Variants in ADGRV1 observed in about 807,000 individuals in gnomAD.
ADGRV1 encodes the protein adhesion G protein-coupled receptor V1, also known as G-protein coupled receptor 98.
A neutral mutation model predicts 596.2 loss-of-function variants in ADGRV1; 359 were observed. That is an observed-to-expected ratio of 0.60 (90% CI 0.55 to 0.66). The LOEUF is 0.66. Among genes scored for constraint, ADGRV1 ranks in the 30% least tolerant of loss-of-function variants. ADGRV1 has a pLI of 0.00. For synonymous variants in ADGRV1, 2,681 were observed against 2,679.2 expected, an observed-to-expected ratio of 1.00 and a Z score of -0.02; for missense variants, 7,274 against 7,575.6, an observed-to-expected ratio of 0.96 and a Z score of 1.48.
chr5:91,139,122 G>A (rs964409701), intron 87 of ADGRV1, among the ~76,000 whole-genome samples: 35 of 152,082 alleles, frequency 2.3e-4, no homozygotes, highest in African/African-American at 1.4e-4. Context: ...TATGTCTTTC[G>A]GTACCGCAAA....
chr5:90,579,596 G>C (rs2151971618), intron 1 of ADGRV1, among the ~76,000 whole-genome samples: 1 of 152,296 alleles, frequency 6.6e-6, no homozygotes, highest in South Asian at 2.1e-4. Flanking sequence ...ATTTGGGGTG[G>C]AGAGTTCTGT....
At chr5:91,143,036 G>A (rs946221643) in intron 87 of ADGRV1, among the ~76,000 whole-genome samples, 2 of 152,158 alleles carry the variant, frequency 1.3e-5, no homozygotes, top group Admixed American at 1.3e-4. Flanking sequence ...TATGGGGTCC[G>A]GCCACTGCAC....
At chr5:90,916,663 C>A (rs548415266) in intron 83 of ADGRV1, among the ~76,000 whole-genome samples, 73 of 119,124 alleles carry the variant, frequency 6.1e-4, no homozygotes, top group Non-Finnish European at 1.0e-3. Flanking sequence ...GACGGAGTCT[C>A]GCTCTGTCGC....
chr5:91,121,521 G>A (rs1354959007), intron 87 of ADGRV1, among the ~76,000 whole-genome samples: 1 of 152,174 alleles, frequency 6.6e-6, no homozygotes, highest in Non-Finnish European at 1.5e-5. Flanking sequence ...GCTGATGGGT[G>A]TGTTTCTTCT....
chr5:90,913,271 C>T (rs1773059139), intron 83 of ADGRV1, among the ~76,000 whole-genome samples: 1 of 152,106 alleles, frequency 6.6e-6, no homozygotes, highest in South Asian at 2.1e-4. Flanking sequence ...TCACCTCTTC[C>T]CATAGCAGCA....
Position 90,658,032 on chromosome 5 carries a change from C to T in ADGRV1, c.4506C>T (p.Pro1502=), listed in dbSNP as rs17543819. 0.073 allele frequency: 116,980 copies of T among 1,613,504 alleles called. 4,803 individuals carry two copies. The highest frequency in any genetic ancestry group is 0.11 in the South Asian group (9,971 of 90,992). ...LEEIYELHAM[P]AKSDLHPISG... The stretch of plus-strand genomic sequence containing the variant: ...AAATTTATGAACTTCATGCCATGCC[C>T]GCAAAAAGTGATTTACACCCAATTT... Residue 1502 remains proline, a synonymous_variant, in exon 21 of 90, where the codon CCC becomes CCT. Coordinates refer to ENST00000405460, the MANE Select transcript of ADGRV1 (RefSeq NM_032119.4).
intron 89 of ADGRV1, among the ~76,000 whole-genome samples, chr5:91,161,835 A>C (rs1270995739): frequency 6.6e-6 from 1 of 152,140 alleles, no homozygotes. Context: ...GGAGATGGAA[A>C]AATAAGTATC....
At position 90,927,728 on chromosome 5, in the gene ADGRV1, G is replaced by A. The variant is rs371374054; in HGVS notation, c.17857-37687G>A. On this transcript the variant is annotated intron_variant, in intron 83 of 89. Transcript: ENST00000405460. ...GTTGATGCAGTTTCTTCCTAGTCTT[G>A]ATGGTCTTTACATTTTGGCTTGATT... Among the ~76,000 whole-genome samples the A allele has an allele frequency of 2.4e-4, 37 of 152,180 alleles. 1 individual carries two copies. The South Asian group carries it at 5.4e-3, about 22-fold the overall frequency.
chr5:90,782,199 A>G lies in ADGRV1; in HGVS notation c.13231+621A>G, dbSNP rs75718733. On this transcript the variant is annotated intron_variant, in intron 65 of 89. Transcript: ENST00000405460. ...ATATCTTACTGCTGCATTTAACCTGATTGGCTTCATTGCCTCTATCAAAAT... is the reference window on the plus strand; with the variant it reads ...ATATCTTACTGCTGCATTTAACCTGGTTGGCTTCATTGCCTCTATCAAAAT... Among the ~76,000 whole-genome samples the G allele has an allele frequency of 0.011, 1,749 of 152,252 alleles. 114 individuals carry two copies. In the East Asian group the frequency reaches 0.19, roughly 16 times the overall value.
chr5:90,828,838 T>G (rs1257431290), intron 76 of ADGRV1, 106 bp from the exon 77 acceptor site: 1 of 604,986 alleles, frequency 1.7e-6, no homozygotes, highest in East Asian at 3.2e-5. Context: ...ATATATTTAT[T>G]TCTCTAAAAA....
At chr5:91,009,191 A>G (rs1048979084) in intron 85 of ADGRV1, among the ~76,000 whole-genome samples, 1 of 152,224 alleles carries the variant, frequency 6.6e-6, no homozygotes, top group African/African-American at 2.4e-5. Flanking sequence ...TCCTTTGTAT[A>G]GATATGAGGT....
intron 4 of ADGRV1, among the ~76,000 whole-genome samples, chr5:90,620,772 G>A (rs891905710): frequency 6.6e-6 from 1 of 152,124 alleles, no homozygotes. Context: ...ATTAATTTTT[G>A]TATAAGGTGT....
At chr5:91,069,315 A>G (rs1788169460) in intron 85 of ADGRV1, among the ~76,000 whole-genome samples, 2 of 152,208 alleles carry the variant, frequency 1.3e-5, no homozygotes, top group African/African-American at 4.8e-5. Context: ...AACAGAGTAA[A>G]CAGACAACTT....
chr5:90,974,877 G>T (rs2151007238), intron 84 of ADGRV1, among the ~76,000 whole-genome samples: 1 of 152,268 alleles, frequency 6.6e-6, no homozygotes, highest in South Asian at 2.1e-4. Flanking sequence ...AAGAGCTTCT[G>T]CACAGCAAAA....
At chr5:91,122,022 G>A (rs1377681790) in intron 87 of ADGRV1, among the ~76,000 whole-genome samples, 1 of 151,550 alleles carries the variant, frequency 6.6e-6, no homozygotes, top group East Asian at 1.9e-4. Flanking sequence ...CAAAAGTGTT[G>A]TATTTACCAG....
chr5:90,997,897 A>G (rs895242869), intron 85 of ADGRV1, among the ~76,000 whole-genome samples: 4 of 152,202 alleles, frequency 2.6e-5, no homozygotes, highest in Non-Finnish European at 5.9e-5. Context: ...ATGCATGTAC[A>G]GTACCTGGCA....
Position 90,685,817 on chromosome 5 carries a change from T to G in ADGRV1, c.6312T>G (p.Thr2104=). 6.2e-7 allele frequency: 1 copy of G among 1,611,648 alleles called. No homozygotes were observed. The change falls in exon 29 of 90, where the codon ACT becomes ACG. Residue 2104 remains threonine, a synonymous_variant. Transcript: ENST00000405460. ...CACGTCTTGGGCCTAAGGTAGAAAC[T>G]ATTGCGCAACTAATTATCATTGCCA... ...NSPRLGPKVE[T]IAQLIIIAND...
chr5:91,035,861 T>TATTA, intron 85 of ADGRV1, among the ~76,000 whole-genome samples: 1 of 96,400 alleles, frequency 1.0e-5, no homozygotes, highest in Non-Finnish European at 2.2e-5. Context: ...TATATATATA[T>TATTA]TATATATATA....
At chr5:90,997,156 G>T (rs1781486045) in intron 85 of ADGRV1, among the ~76,000 whole-genome samples, 1 of 152,114 alleles carries the variant, frequency 6.6e-6, no homozygotes, top group Non-Finnish European at 1.5e-5. Context: ...ATGAGATTTG[G>T]GAGGGGACAG....
Sources: allele counts gnomAD v4.1 joint callset (sites outside exome capture counted in the v4.1 genomes callset), GRCh38; gene constraint gnomAD v4.1.1; transcripts MANE v1.5; gene names NCBI Gene and HGNC (gene_info 2026-07-23, HGNC 2026-07-21).